WWC2: variants seen among roughly 807,000 people sequenced by gnomAD.
WWC2 encodes WW and C2 domain containing 2, also known as protein WWC2.
A neutral mutation model predicts 138.5 loss-of-function variants in WWC2; 101 were observed. The ratio of observed to expected loss-of-function variants is 0.73; its 90% confidence interval spans 0.62 to 0.86. The LOEUF is 0.86. Ranked by LOEUF, WWC2 falls within the 40% of genes least tolerant of loss-of-function variation. WWC2 has a pLI of 0.00. For missense variants in WWC2, 1,420 were observed against 1,419.4 expected, an observed-to-expected ratio of 1.00 and a Z score of -0.01; for synonymous variants, 558 against 538.4, an observed-to-expected ratio of 1.04 and a Z score of -0.50.
At chr4:183,309,068 C>T (rs548769381) in intron 21 of WWC2, among the ~76,000 whole-genome samples, 5 of 152,158 alleles carry the variant, frequency 3.3e-5, no homozygotes, top group Admixed American at 6.5e-5. Context: ...CCCTTCTGCA[C>T]CCTTCACAAA....
At chr4:183,105,741 T>A (rs1052713730) in intron 1 of WWC2, among the ~76,000 whole-genome samples, 2 of 151,844 alleles carry the variant, frequency 1.3e-5, no homozygotes, top group African/African-American at 4.8e-5. Flanking sequence ...ATACAAAAAA[T>A]TTGCCAGGCG....
At chr4:183,123,735 A>G (rs987136579) in intron 1 of WWC2, among the ~76,000 whole-genome samples, 6 of 152,136 alleles carry the variant, frequency 3.9e-5, no homozygotes, top group Admixed American at 3.3e-4. Context: ...AATTTTCCAC[A>G]TGCCTTTTCA....
chr4:183,115,048 G>T (rs1452277389), intron 1 of WWC2, among the ~76,000 whole-genome samples: 1 of 152,176 alleles, frequency 6.6e-6, no homozygotes, highest in Non-Finnish European at 1.5e-5. Context: ...CAAATAGGCT[G>T]TGATGTCTGT....
rs950586811 is a variant in WWC2 at position 183,180,166 on chromosome 4, G to A, written c.132-13433G>A. ...GAAGATGTTCCAGGTGGAGGGAACT[G>A]CACGTGTTAAAGATATTTTTGCTAC... On this transcript the variant is annotated intron_variant, in intron 1 of 22. Coordinates refer to ENST00000403733, the MANE Select transcript of WWC2 (RefSeq NM_024949.6). Among the ~76,000 whole-genome samples, 5 of 152,152 alleles carry A rather than the reference G, an allele frequency of 3.3e-5. No homozygotes were observed. The East Asian group carries it at 9.6e-4, about 29-fold the overall frequency.
At chr4:183,186,660 G>A (rs566447567) in intron 1 of WWC2, among the ~76,000 whole-genome samples, 24 of 152,288 alleles carry the variant, frequency 1.6e-4, no homozygotes, top group African/African-American at 5.5e-4. Flanking sequence ...GCTGGGGTAA[G>A]GGCAGGAGAC....
intron 1 of WWC2, among the ~76,000 whole-genome samples, chr4:183,186,649 G>A (rs1489358149): frequency 2.0e-5 from 3 of 152,144 alleles, no homozygotes; most frequent in Non-Finnish European, 4.4e-5. Context: ...AGAGAGGAGC[G>A]GCTGGGGTAA....
At chr4:183,293,540 CT>C (rs1347828534) in intron 21 of WWC2, among the ~76,000 whole-genome samples, 2 of 152,124 alleles carry the variant, frequency 1.3e-5, no homozygotes, top group Non-Finnish European at 2.9e-5. Context: ...ATTAGAATCA[CT>C]TTCTTTAAAA....
intron 1 of WWC2, among the ~76,000 whole-genome samples, chr4:183,151,079 G>T (rs913296663): frequency 1.3e-4 from 20 of 152,130 alleles, no homozygotes; most frequent in Non-Finnish European, 2.4e-4. Flanking sequence ...GGGTCAAATG[G>T]TATTTCTAGT....
At chr4:183,268,069 G>C (rs984334317) in intron 14 of WWC2, among the ~76,000 whole-genome samples, 1 of 152,130 alleles carries the variant, frequency 6.6e-6, no homozygotes. Flanking sequence ...TTTCATTGCT[G>C]AATCTCCATA....
intron 16 of WWC2, among the ~76,000 whole-genome samples, chr4:183,278,137 A>C (rs1260080175): frequency 3.3e-5 from 5 of 152,108 alleles, no homozygotes; most frequent in East Asian, 3.9e-4. Flanking sequence ...TTTAATCCAT[A>C]TTGAATTGAT....
chr4:183,272,292 T>TA (rs1259173523), intron 16 of WWC2, among the ~76,000 whole-genome samples: 1 of 152,216 alleles, frequency 6.6e-6, no homozygotes, highest in East Asian at 1.9e-4. Context: ...TTAGATTACA[T>TA]ACCCAGGCTT....
chr4:183,225,386 T>G (rs1258692905), intron 4 of WWC2, among the ~76,000 whole-genome samples: 1 of 152,168 alleles, frequency 6.6e-6, no homozygotes, highest in Admixed American at 6.5e-5. Flanking sequence ...GATTATTCAG[T>G]GAATGTGTAA....
chr4:183,265,070 G>A lies in WWC2; in HGVS notation c.2002G>A (p.Ala668Thr). Residue 668 changes from alanine (A) to threonine (T), a missense_variant, in exon 12 of 23, where the codon GCT becomes ACT. Transcript: ENST00000403733. ...VSAAVSDESV[A>T]GDSGVYEAFV... The stretch of plus-strand genomic sequence containing the variant: ...GGCTGCTGTGTCTGATGAGTCTGTG[G>A]CTGGAGACAGTGGGGTCTATGAAGC... 1 of 1,613,000 alleles carries A rather than the reference G, an allele frequency of 6.2e-7. No individual in the cohort carries two copies.
chr4:183,304,439 C>T (rs538329420), intron 21 of WWC2, among the ~76,000 whole-genome samples: 2 of 152,092 alleles, frequency 1.3e-5, no homozygotes, highest in Admixed American at 6.6e-5. Flanking sequence ...CGATGGATGT[C>T]GAAGAAAAAT....
At position 183,315,668 on chromosome 4, in the gene WWC2, A is replaced by C. The variant is rs761493821; in HGVS notation, c.3518A>C (p.Lys1173Thr). Reference sequence around the variant, plus strand: ...ATTTCTCACCCCAACTCTAGGGAGAAGATTGCCTACTTCACCAGAGCAAAG... The same window carrying C: ...ATTTCTCACCCCAACTCTAGGGAGACGATTGCCTACTTCACCAGAGCAAAG... ...VPRQVQSFRE[K>T]IAYFTRAKIS... is the part of the protein sequence containing the mutation. Residue 1173 changes from lysine (K) to threonine (T), a missense_variant, in exon 23 of 23, where the codon AAG becomes ACG. By Grantham distance (78) the Lys-to-Thr change is moderately conservative. Transcript: ENST00000403733. 2 of 1,613,016 alleles carry C rather than the reference A, an allele frequency of 1.2e-6. No homozygotes were observed. The highest frequency in any genetic ancestry group is 2.2e-5 in the South Asian group (2 of 90,854).
chr4:183,158,289 A>T (rs1394778887), intron 1 of WWC2, among the ~76,000 whole-genome samples: 1 of 152,268 alleles, frequency 6.6e-6, no homozygotes, highest in East Asian at 1.9e-4. Context: ...TGGGGTATAT[A>T]TTAGTTTGTA....
intron 1 of WWC2, among the ~76,000 whole-genome samples, chr4:183,150,863 C>T (rs567216737): frequency 2.4e-4 from 36 of 152,264 alleles, no homozygotes; most frequent in African/African-American, 7.9e-4. Context: ...ACAAAGGACA[C>T]GAACTCATCC....
At chr4:183,115,930 A>G (rs1253991409) in intron 1 of WWC2, among the ~76,000 whole-genome samples, 1 of 152,126 alleles carries the variant, frequency 6.6e-6, no homozygotes, top group Non-Finnish European at 1.5e-5. Context: ...TACGTCCAGA[A>G]TGGTATTTCC....
intron 1 of WWC2, among the ~76,000 whole-genome samples, chr4:183,179,448 C>T (rs1299855391): frequency 6.6e-6 from 1 of 152,068 alleles, no homozygotes; most frequent in African/African-American, 2.4e-5. Flanking sequence ...AATGTAACAA[C>T]TAGTTAGGAA....
Sources: gnomAD v4.1 joint callset for allele counts (sites outside exome capture counted in the v4.1 genomes callset) on GRCh38, gnomAD v4.1.1 for gene constraint, MANE v1.5 for transcripts, NCBI Gene and HGNC (gene_info 2026-07-23, HGNC 2026-07-21) for gene names.